Variants in NLN observed in about 807,000 individuals in gnomAD.
NLN encodes the protein neurolysin, mitochondrial.
NLN carries 64 observed loss-of-function variants against 79.9 expected under a neutral mutation model. That is an observed-to-expected ratio of 0.80 (90% CI 0.65 to 0.99). NLN has a LOEUF of 0.99. Ranked by LOEUF, NLN falls within the 50% of genes least tolerant of loss-of-function variation. The pLI is 0.00. For missense variants in NLN, 835 were observed against 858.7 expected, an observed-to-expected ratio of 0.97 and a Z score of 0.34; for synonymous variants, 267 against 296.6, an observed-to-expected ratio of 0.90 and a Z score of 1.02.
intron 9 of NLN, among the ~76,000 whole-genome samples, chr5:65,798,241 T>G (rs898251165): frequency 6.6e-6 from 1 of 152,208 alleles, no homozygotes; most frequent in East Asian, 1.9e-4. Flanking sequence ...AGATGGGTAC[T>G]GTTATTGTCC....
chr5:65,764,249 T>C (rs1759403201), intron 3 of NLN, among the ~76,000 whole-genome samples: 1 of 151,668 alleles, frequency 6.6e-6, no homozygotes, highest in Non-Finnish European at 1.5e-5. Context: ...GTGATTCTTA[T>C]GAATGTTATC....
Position 65,794,064 on chromosome 5 carries a change from T to C in NLN, c.1527+1409T>C, listed in dbSNP as rs543144351. Among the ~76,000 whole-genome samples the C allele has an allele frequency of 2.6e-5, 4 of 152,348 alleles. No individual in the cohort carries two copies. The East Asian group carries it at 5.8e-4, about 22-fold the overall frequency. On this transcript the variant is annotated intron_variant, in intron 9 of 12. Coordinates refer to ENST00000380985, the MANE Select transcript of NLN (RefSeq NM_020726.5). ...AAGTGATAATGCTTGGATATGACTA[T>C]GCAGTAAGACATAATGAAGTATGCT...
intron 12 of NLN, chr5:65,819,055 C>T (rs1265766518): frequency 6.6e-6 from 1 of 152,178 alleles, no homozygotes; most frequent in Non-Finnish European, 1.5e-5. Flanking sequence ...GCCTAAGTGC[C>T]TTATCTCTCC....
At chr5:65,780,093 T>C (rs1035955896) in intron 4 of NLN, 86 bp from the exon 5 acceptor site, 5 of 649,910 alleles carry the variant, frequency 7.7e-6, no homozygotes, top group Non-Finnish European at 1.4e-5. Flanking sequence ...CCCAAATTGC[T>C]GGGATTACAG....
At chr5:65,747,882 G>A (rs570102410) in intron 1 of NLN, among the ~76,000 whole-genome samples, 15 of 152,262 alleles carry the variant, frequency 9.9e-5, no homozygotes, top group Admixed American at 7.2e-4. Flanking sequence ...TGCAGACACA[G>A]GAGGGCCAGA....
intron 12 of NLN, among the ~76,000 whole-genome samples, chr5:65,819,324 T>C (rs1473877483): frequency 2.0e-5 from 3 of 152,090 alleles, no homozygotes; most frequent in Non-Finnish European, 4.4e-5. Context: ...GATATTATGC[T>C]AGAGAGCAAA....
At chr5:65,729,785 C>T (rs1316994097) in intron 1 of NLN, among the ~76,000 whole-genome samples, 1 of 152,214 alleles carries the variant, frequency 6.6e-6, no homozygotes, top group Non-Finnish European at 1.5e-5. Context: ...AGACAAAGCA[C>T]AGGACTTACT....
chr5:65,798,630 T>C (rs953999946), intron 9 of NLN, among the ~76,000 whole-genome samples: 1 of 152,236 alleles, frequency 6.6e-6, no homozygotes, highest in Non-Finnish European at 1.5e-5. Flanking sequence ...TGTTTTAGTT[T>C]GTGACTTTAA....
At chr5:65,800,461 G>A (rs1760259342) in intron 9 of NLN, among the ~76,000 whole-genome samples, 1 of 152,086 alleles carries the variant, frequency 6.6e-6, no homozygotes, top group Admixed American at 6.5e-5. Context: ...AGATCACGAG[G>A]TCAGGAGATC....
chr5:65,816,670 G>A lies in NLN; in HGVS notation c.1980+4279G>A, dbSNP rs138193273. Among the ~76,000 whole-genome samples the A allele has an allele frequency of 1.9e-3, 282 of 152,138 alleles. 1 individual carries two copies. The highest frequency in any genetic ancestry group is 4.7e-3 in the African/African-American group (193 of 41,488). Reference sequence around the variant, plus strand: ...CATTATCTTGAGTTGTTCCAAACTCGGTGCATTTGCTTTAGTTTCACATGT... The same window carrying A: ...CATTATCTTGAGTTGTTCCAAACTCAGTGCATTTGCTTTAGTTTCACATGT... On this transcript the variant is annotated intron_variant, in intron 12 of 12. Coordinates refer to ENST00000380985, the MANE Select transcript of NLN (RefSeq NM_020726.5).
chr5:65,790,204 T>G (rs12652356), intron 8 of NLN, among the ~76,000 whole-genome samples: 4,212 of 152,170 alleles, frequency 0.028, 67 homozygotes, highest in East Asian at 0.058. Context: ...GAGTATAGTA[T>G]CCCCCTCATT....
At chr5:65,766,204 G>T (rs1323047163) in intron 3 of NLN, among the ~76,000 whole-genome samples, 2 of 152,132 alleles carry the variant, frequency 1.3e-5, no homozygotes, top group Non-Finnish European at 2.9e-5. Context: ...TAGTCTCAAG[G>T]TGTCTGTATT....
At chr5:65,755,217 G>C (rs976661703) in intron 1 of NLN, among the ~76,000 whole-genome samples, 10 of 152,006 alleles carry the variant, frequency 6.6e-5, no homozygotes, top group African/African-American at 9.7e-5. Flanking sequence ...GTTTCAAGTA[G>C]AATCATAACT....
In NLN at chr5:65,812,250, T is replaced by A. The variant is rs777107764; in HGVS notation, c.1844-5T>A. ...ACATTGATTGAAATGTATCTTTTTT[T>A]AAAGGCACAAATATGCCAGCTACCT... On this transcript the variant is annotated splice_polypyrimidine_tract_variant and splice_region_variant and intron_variant, in intron 11 of 12. Transcript: ENST00000380985. The A allele has an allele frequency of 6.2e-7, 1 of 1,612,898 alleles. No individual in the cohort carries two copies. Among genetic ancestry groups the A allele is most frequent in the Non-Finnish European group, 8.5e-7 (1 of 1,179,108 alleles).
chr5:65,781,619 C>A (rs1759802482), intron 6 of NLN, among the ~76,000 whole-genome samples, 198 bp downstream of exon 6: 1 of 152,140 alleles, frequency 6.6e-6, no homozygotes. Flanking sequence ...ACAGGATAAG[C>A]TGTTCTAATA....
chr5:65,781,085 C>CT (rs2150757262), intron 5 of NLN, among the ~76,000 whole-genome samples, 176 bp from the exon 6 acceptor site: 1 of 152,282 alleles, frequency 6.6e-6, no homozygotes, highest in Non-Finnish European at 1.5e-5. Flanking sequence ...CACCTGGCCT[C>CT]TAACAGCCAC....
At chr5:65,736,861 G>A (rs537966231) in intron 1 of NLN, among the ~76,000 whole-genome samples, 1 of 152,150 alleles carries the variant, frequency 6.6e-6, no homozygotes, top group African/African-American at 2.4e-5. Context: ...AACACTTTGG[G>A]AGGCTGAGGC....
chr5:65,723,629 A>G (rs1016080077), intron 1 of NLN, among the ~76,000 whole-genome samples: 17 of 152,016 alleles, frequency 1.1e-4, no homozygotes, highest in African/African-American at 3.9e-4. Context: ...CCTGGCTAAC[A>G]CGGTGAAACC....
intron 2 of NLN, among the ~76,000 whole-genome samples, chr5:65,759,567 G>A (rs991006102): frequency 2.0e-5 from 3 of 152,132 alleles, no homozygotes; most frequent in Non-Finnish European, 2.9e-5. Flanking sequence ...CAAGAGAGCT[G>A]ATGTTCCAGC....
Sources: gnomAD v4.1 joint callset for allele counts (sites outside exome capture counted in the v4.1 genomes callset) on GRCh38, gnomAD v4.1.1 for gene constraint, MANE v1.5 for transcripts, NCBI Gene and HGNC (gene_info 2026-07-23, HGNC 2026-07-21) for gene names.